BROX: variants seen among roughly 807,000 people sequenced by gnomAD.
BROX encodes BRO1 domain and CAAX motif containing.
Under a neutral mutation model 61.0 loss-of-function variants are expected in BROX, and 53 were observed. The ratio of observed to expected loss-of-function variants is 0.87; its 90% confidence interval spans 0.70 to 1.09. The LOEUF is 1.09. Among genes scored for constraint, BROX ranks in the 50% least tolerant of loss-of-function variants. BROX has a pLI of 0.00. For synonymous variants in BROX, 152 were observed against 160.2 expected (o/e 0.95, Z 0.38); for missense variants, 489 against 472.0 (o/e 1.04, Z -0.33).
chr1:222,729,773 C>A, intron 10 of BROX, 72 bp downstream of exon 10: 2 of 1,415,990 alleles, frequency 1.4e-6, no homozygotes, highest in South Asian at 1.3e-5. Flanking sequence ...GGAATATATG[C>A]TTAAAGAGAT....
At chr1:222,728,313 G>A (rs1435117482) in intron 8 of BROX, among the ~76,000 whole-genome samples, 1 of 152,194 alleles carries the variant, frequency 6.6e-6, no homozygotes, top group Non-Finnish European at 1.5e-5. Flanking sequence ...GGATATGTGA[G>A]TGAATGTGTG....
intron 2 of BROX, among the ~76,000 whole-genome samples, chr1:222,717,170 G>A (rs184466155): frequency 8.5e-5 from 13 of 152,218 alleles, no homozygotes; most frequent in African/African-American, 2.2e-4. Flanking sequence ...ATTATTCTTC[G>A]TTCATTTTTA....
At chr1:222,718,171 G>C (rs1656779506) in intron 2 of BROX, 1 of 151,880 alleles carries the variant, frequency 6.6e-6, no homozygotes, top group Non-Finnish European at 1.5e-5. Context: ...AGGAGACACA[G>C]AAAAAAATAT....
At position 222,731,524 on chromosome 1, in the gene BROX, ATTGT is replaced by A. The variant is rs769923558; in HGVS notation, c.1149+11_1149+14del. On this transcript the variant is annotated intron_variant, in intron 12 of 12. Transcript: ENST00000340934. ...AGACCCAAGGATGACAGTGTATGAGATTGTTTTTTTTTTTCCCTCTCATTCACAA... is the reference window on the plus strand; with the variant it reads ...AGACCCAAGGATGACAGTGTATGAGATTTTTTTTTTCCCTCTCATTCACAA... The A allele has an allele frequency of 6.4e-7, 1 of 1,568,872 alleles. No homozygotes were observed. The highest frequency in any genetic ancestry group is 2.3e-5 in the East Asian group (1 of 43,652).
intron 9 of BROX, among the ~76,000 whole-genome samples, chr1:222,729,287 C>A (rs1165433304): frequency 6.6e-6 from 1 of 152,090 alleles, no homozygotes; most frequent in Non-Finnish European, 1.5e-5. Flanking sequence ...CATCAGAAAC[C>A]TTTTTCAGGT....
chr1:222,723,835 T>C (rs1343507539), intron 5 of BROX, among the ~76,000 whole-genome samples: 1 of 152,138 alleles, frequency 6.6e-6, no homozygotes, highest in Non-Finnish European at 1.5e-5. Context: ...CCTGCCACCA[T>C]ACCCAGCTAA....
chr1:222,717,721 A>G (rs1314848311), intron 2 of BROX: 2 of 152,242 alleles, frequency 1.3e-5, no homozygotes, highest in African/African-American at 4.8e-5. Flanking sequence ...GACTCAAGGG[A>G]TATACCATTC....
intron 8 of BROX, 41 bp from the exon 9 acceptor site, chr1:222,728,702 C>G (rs1414662254): frequency 1.5e-6 from 2 of 1,348,384 alleles, no homozygotes; most frequent in African/African-American, 1.4e-5. Context: ...TCTAGTGAAT[C>G]AGGGCGAAAT....
In BROX at chr1:222,731,496, A is replaced by G. The variant is rs1185454122; in HGVS notation, c.1129A>G (p.Lys377Glu). ...AACATTGGCTGCATTTGATCTCACC[A>G]AAAGACCCAAGGATGACAGTGTATG... ...PETLAAFDLT[K>E]RPKDDSTKPK... Residue 377 changes from lysine (K) to glutamate (E), a missense_variant, in exon 12 of 13, where the codon AAA becomes GAA. Physicochemically the swap from Lys to Glu is moderately conservative, Grantham distance 56. Coordinates refer to ENST00000340934, the MANE Select transcript of BROX (RefSeq NM_144695.4). 3.1e-6 allele frequency: 5 copies of G among 1,592,410 alleles called. No individual in the cohort carries two copies. In the East Asian group the frequency reaches 1.1e-4, roughly 36 times the overall value.
chr1:222,726,207 C>T (rs1657486537), intron 7 of BROX, among the ~76,000 whole-genome samples: 1 of 152,208 alleles, frequency 6.6e-6, no homozygotes, highest in Non-Finnish European at 1.5e-5. Flanking sequence ...GTAATAATGA[C>T]ACTCAACGTG....
At chr1:222,724,024 A>G (rs1340020403) in intron 5 of BROX, 68 bp from the exon 6 acceptor site, 8 of 1,085,800 alleles carry the variant, frequency 7.4e-6, no homozygotes, top group Non-Finnish European at 1.1e-5. Flanking sequence ...ATAATAATGT[A>G]TTGGTTGTTG....
rs966461068 is a variant in BROX at position 222,734,297 on chromosome 1, C to A, written c.*1583C>A. ...TGTGCTGGACACTTACATAGATAAG[C>A]CATTGAATCCACACAGCAGCCCTGT... is the stretch of plus-strand genomic sequence containing the variant. On this transcript the variant is annotated 3_prime_UTR_variant, in exon 13 of 13. Transcript: ENST00000340934. The A allele has an allele frequency of 6.6e-6, 1 of 152,116 alleles. No individual in the cohort carries two copies. The highest frequency in any genetic ancestry group is 2.4e-5 in the African/African-American group (1 of 41,414). 9.4% of individuals were successfully genotyped at this position (152,116 alleles called of 1,614,324 possible).
At position 222,712,827 on chromosome 1, in the gene BROX, C is replaced by A. The variant is rs111319544; in HGVS notation, c.-132C>A. 13,693 of 1,288,368 alleles carry A rather than the reference C, an allele frequency of 0.011. 63 individuals carry two copies. The highest frequency in any genetic ancestry group is 0.031 in the Middle Eastern group (144 of 4,688). The allele number at this position is 1,288,368 out of a possible 1,614,324, so 79.8% of individuals were successfully genotyped here. A position where few individuals can be genotyped will look rare whatever the true frequency, so the allele number is the denominator to read the frequency against. ...CCGGCTTGGCGCCGTCCTGGTTTTC[C>A]GTCACCCTGGTTCTGTAGTCTCGGT... On this transcript the variant is annotated 5_prime_UTR_variant, in exon 1 of 13. Coordinates refer to ENST00000340934, the MANE Select transcript of BROX (RefSeq NM_144695.4).
Position 222,712,814 on chromosome 1 carries a change from C to A in BROX, c.-145C>A. ...GGGTCACGTGACTCCGGCTTGGCGC[C>A]GTCCTGGTTTTCCGTCACCCTGGTT... On this transcript the variant is annotated 5_prime_UTR_variant, in exon 1 of 13. Coordinates refer to ENST00000340934, the MANE Select transcript of BROX (RefSeq NM_144695.4). 1.6e-6 allele frequency: 2 copies of A among 1,288,652 alleles called. No individual in the cohort carries two copies. Among genetic ancestry groups the A allele is most frequent in the South Asian group, 1.2e-5 (1 of 80,832 alleles). The allele number at this position is 1,288,652 out of a possible 1,614,324, so 79.8% of individuals were successfully genotyped here.
In BROX at chr1:222,731,491, T is replaced by G. The variant is rs371387317; in HGVS notation, c.1124T>G (p.Leu375Arg). 30 of 1,592,030 alleles carry G rather than the reference T, an allele frequency of 1.9e-5. No individual in the cohort carries two copies. The highest frequency in any genetic ancestry group is 2.6e-5 in the Non-Finnish European group (30 of 1,174,322). ...WTPETLAAFDLTKRPKDDSTK... is the reference protein window; with the variant it reads ...WTPETLAAFDRTKRPKDDSTK... ...CCAGAAACATTGGCTGCATTTGATC[T>G]CACCAAAAGACCCAAGGATGACAGT... The change falls in exon 12 of 13, where the codon CTC becomes CGC. Residue 375 changes from leucine (L) to arginine (R), a missense_variant. By Grantham distance (102) the Leu-to-Arg change is moderately radical. Transcript: ENST00000340934.
In BROX at chr1:222,712,695, T is replaced by A. The variant is rs749008254; in HGVS notation, c.-264T>A. 1 of 1,294,030 alleles carries A rather than the reference T, an allele frequency of 7.7e-7. No homozygotes were observed. The highest frequency in any genetic ancestry group is 2.3e-5 in the Admixed American group (1 of 43,624). 80.2% of individuals were successfully genotyped at this position (1,294,030 alleles called of 1,614,324 possible). A position where few individuals can be genotyped will look rare whatever the true frequency, so the allele number is the denominator to read the frequency against. On this transcript the variant is annotated 5_prime_UTR_variant, in exon 1 of 13. The change abolishes an upstream ATG in the 5' untranslated region. Coordinates refer to ENST00000340934, the MANE Select transcript of BROX (RefSeq NM_144695.4). ...GGCCGAGGGAGAAGTTAGAAAGGGA[T>A]GATGAACGAAGCGTTTTGAGGGGAC...
In BROX at chr1:222,719,314, T is replaced by C; in HGVS notation, c.260T>C (p.Ile87Thr). Residue 87 changes from isoleucine (I) to threonine (T), a missense_variant, in exon 4 of 13, where the codon ATT becomes ACT. Ile to Thr is a moderately conservative substitution (Grantham distance 89, BLOSUM62 -1). Coordinates refer to ENST00000340934, the MANE Select transcript of BROX (RefSeq NM_144695.4). ...ESTQESKLRYIQNFKWTDTLQ... is the reference protein window; with the variant it reads ...ESTQESKLRYTQNFKWTDTLQ... The stretch of plus-strand genomic sequence containing the variant: ...ACCCAAGAAAGCAAGTTACGATATA[T>C]TCAAAATTTCAAGTGGACTGATACA... 6.2e-7 allele frequency: 1 copy of C among 1,609,626 alleles called. No individual in the cohort carries two copies. The highest frequency in any genetic ancestry group is 8.5e-7 in the Non-Finnish European group (1 of 1,176,038).
chr1:222,720,637 C>T (rs1657013852), intron 4 of BROX, among the ~76,000 whole-genome samples: 1 of 151,936 alleles, frequency 6.6e-6, no homozygotes, highest in Non-Finnish European at 1.5e-5. Context: ...CGTGGTAAAA[C>T]ACTGTCTCTA....
intron 1 of BROX, among the ~76,000 whole-genome samples, chr1:222,714,587 TTTTTTCC>T (rs1205863638): frequency 6.6e-6 from 1 of 151,396 alleles, no homozygotes; most frequent in African/African-American, 2.4e-5. Flanking sequence ...TTTTTGTTTT[TTTTTTCC>T]TTTTTCCTTT....
Sources: gnomAD v4.1 joint callset for allele counts (sites outside exome capture counted in the v4.1 genomes callset) on GRCh38, gnomAD v4.1.1 for gene constraint, MANE v1.5 for transcripts, NCBI Gene and HGNC (gene_info 2026-07-23, HGNC 2026-07-21) for gene names.